Variants in UGT2B4 observed in about 807,000 individuals in gnomAD.
UGT2B4 encodes UDP glucuronosyltransferase family 2 member B4.
In UGT2B4, 49 loss-of-function variants were observed where a neutral mutation model predicts 49.8. The observed-to-expected ratio is 0.98, with a 90% confidence interval of 0.78 to 1.25. The LOEUF (loss-of-function observed/expected upper bound fraction) is 1.25. Ranked by LOEUF, UGT2B4 falls within the 50% of genes most tolerant of loss-of-function variation. The pLI, the probability that UGT2B4 is intolerant of heterozygous loss-of-function variation, is 0.00. For synonymous variants in UGT2B4, 246 were observed against 217.7 expected (o/e 1.13, Z -1.14); for missense variants, 729 against 627.7 (o/e 1.16, Z -1.73).
intron 1 of UGT2B4, among the ~76,000 whole-genome samples, chr4:69,502,057 C>CCCTT (rs111824885): frequency 0.19 from 27,299 of 144,670 alleles, 2,998 homozygotes; most frequent in Middle Eastern, 0.24. Flanking sequence ...GTCTCTCTTT[C>CCCTT]CCTTCCTTCC....
intron 2 of UGT2B4, among the ~76,000 whole-genome samples, chr4:69,490,543 T>A (rs1727952879): frequency 6.6e-6 from 1 of 152,192 alleles, no homozygotes; most frequent in South Asian, 2.1e-4. Context: ...TGGAATTTAC[T>A]GGGAATCATT....
chr4:69,521,459 G>T (rs114244402), intron 1 of UGT2B4, among the ~76,000 whole-genome samples: 63 of 152,262 alleles, frequency 4.1e-4, no homozygotes, highest in African/African-American at 1.5e-3. Flanking sequence ...TGTGCAGTAC[G>T]TCTGGTCCAG....
At chr4:69,491,197 G>A (rs376060499) in intron 2 of UGT2B4, among the ~76,000 whole-genome samples, 23 of 150,466 alleles carry the variant, frequency 1.5e-4, no homozygotes, top group South Asian at 4.2e-4. Context: ...TACAAAAAAC[G>A]TGTCAGCCTG....
At position 69,509,889 on chromosome 4, in the gene UGT2B4, G is replaced by T. The variant is rs144923420; in HGVS notation, c.-105-13923C>A. ...AATTCCACCTGTTTGTATTTGCTTT[G>T]TTGTCTGTGCTTTTCAGATCATATT... On this transcript the variant is annotated intron_variant, in intron 1 of 1. Coordinates refer to the UGT2B4 transcript ENST00000510114. 3.9e-3 allele frequency among the ~76,000 whole-genome samples: 595 copies of T among 151,204 alleles called. 6 individuals are homozygous for T. The highest frequency in any genetic ancestry group is 0.014 in the African/African-American group (570 of 41,194).
chr4:69,492,074 G>A (rs752701055), intron 2 of UGT2B4, among the ~76,000 whole-genome samples: 1 of 151,976 alleles, frequency 6.6e-6, no homozygotes, highest in Non-Finnish European at 1.5e-5. Flanking sequence ...AATGTTATAT[G>A]ATGACAGAAT....
chr4:69,491,936 A>G (rs759581904), intron 2 of UGT2B4, among the ~76,000 whole-genome samples: 2 of 152,106 alleles, frequency 1.3e-5, no homozygotes, highest in African/African-American at 2.4e-5. Flanking sequence ...GTTAATAAGG[A>G]GGTAGGCAAA....
intron 1 of UGT2B4, among the ~76,000 whole-genome samples, chr4:69,501,806 C>T (rs904975344): frequency 6.6e-6 from 1 of 151,926 alleles, no homozygotes; most frequent in South Asian, 2.1e-4. Flanking sequence ...CTGATATGTA[C>T]CCCCAGCACA....
chr4:69,483,794 T>A (rs1370124519), intron 5 of UGT2B4, among the ~76,000 whole-genome samples: 2 of 152,058 alleles, frequency 1.3e-5, no homozygotes, highest in Non-Finnish European at 2.9e-5. Flanking sequence ...AAATCAATTA[T>A]CAAAAATTTT....
chr4:69,484,457 A>G (rs1358389021), intron 5 of UGT2B4, among the ~76,000 whole-genome samples: 1 of 152,206 alleles, frequency 6.6e-6, no homozygotes, highest in East Asian at 1.9e-4. Context: ...TAAATGAACT[A>G]TTAATACACA....
intron 5 of UGT2B4, 97 bp downstream of exon 5, chr4:69,485,111 G>T (rs528474342): frequency 2.8e-6 from 4 of 1,410,584 alleles, no homozygotes; most frequent in Non-Finnish European, 2.9e-6. Context: ...AAATTCTTTC[G>T]AAATCAGTCG....
At chr4:69,481,937 A>T (rs552570648) in intron 5 of UGT2B4, among the ~76,000 whole-genome samples, 4 of 152,322 alleles carry the variant, frequency 2.6e-5, no homozygotes, top group African/African-American at 9.6e-5. Flanking sequence ...CCCCTGATTA[A>T]GACTTTTGCC....
chr4:69,499,723 C>A (rs1728253389), upstream of UGT2B4, among the ~76,000 whole-genome samples: 1 of 152,126 alleles, frequency 6.6e-6, no homozygotes, highest in Non-Finnish European at 1.5e-5. Flanking sequence ...GGTAAATTTT[C>A]TTCCATCCCT....
intron 5 of UGT2B4, among the ~76,000 whole-genome samples, chr4:69,481,604 A>C (rs966041417): frequency 4.6e-5 from 7 of 152,172 alleles, no homozygotes; most frequent in Non-Finnish European, 1.0e-4. Context: ...TGCAGTGTGA[A>C]ATAATCACAT....
At chr4:69,505,272 G>A (rs1408468917) in intron 1 of UGT2B4, among the ~76,000 whole-genome samples, 2 of 151,998 alleles carry the variant, frequency 1.3e-5, no homozygotes, top group Admixed American at 6.6e-5. Context: ...AAAAAATACA[G>A]AGGGGTAAGC....
intron 1 of UGT2B4, among the ~76,000 whole-genome samples, chr4:69,504,279 C>G (rs1457427300): frequency 6.6e-6 from 1 of 152,068 alleles, no homozygotes; most frequent in Non-Finnish European, 1.5e-5. Context: ...ATGCAGTTCA[C>G]TAAGCTAAAC....
chr4:69,506,925 G>A (rs1286860549), intron 1 of UGT2B4, among the ~76,000 whole-genome samples: 1 of 152,002 alleles, frequency 6.6e-6, no homozygotes, highest in Non-Finnish European at 1.5e-5. Context: ...TCAGCCTACG[G>A]AAATAAATAA....
chr4:69,515,298 C>A (rs1448554123), intron 1 of UGT2B4, among the ~76,000 whole-genome samples: 1 of 152,102 alleles, frequency 6.6e-6, no homozygotes, highest in Non-Finnish European at 1.5e-5. Context: ...ACACAAAAAA[C>A]TGAATTCATA....
chr4:69,493,098 T>G (rs1328745983), intron 2 of UGT2B4, among the ~76,000 whole-genome samples: 1 of 152,020 alleles, frequency 6.6e-6, no homozygotes, highest in African/African-American at 2.4e-5. Flanking sequence ...AAACTAAACT[T>G]TGAGTCTTGA....
intron 1 of UGT2B4, among the ~76,000 whole-genome samples, chr4:69,512,077 C>CAA (rs745634503): frequency 6.7e-6 from 1 of 148,684 alleles, no homozygotes; most frequent in East Asian, 2.0e-4. Flanking sequence ...TTTATCTTTT[C>CAA]AAAAAAAAAC....
Sources: allele counts gnomAD v4.1 joint callset (sites outside exome capture counted in the v4.1 genomes callset), GRCh38; gene constraint gnomAD v4.1.1; transcripts MANE v1.5; gene names NCBI Gene and HGNC (gene_info 2026-07-23, HGNC 2026-07-21).